The following ITGAL variants were observed in gnomAD, a reference collection of about 807,000 sequenced individuals.
The protein encoded by ITGAL is integrin subunit alpha L.
A neutral mutation model predicts 138.4 loss-of-function variants in ITGAL; 68 were observed. The ratio of observed to expected loss-of-function variants is 0.49; its 90% confidence interval spans 0.40 to 0.60. The LOEUF is 0.60. ITGAL is among the 20% of genes least tolerant of loss of function. The pLI is 0.00. For synonymous variants in ITGAL, 561 were observed against 584.3 expected, an observed-to-expected ratio of 0.96 and a Z score of 0.57; for missense variants, 1,256 against 1,478.6, an observed-to-expected ratio of 0.85 and a Z score of 2.47.
Position 30,494,785 on chromosome 16 carries a change from A to T in ITGAL, c.1438A>T (p.Ile480Phe). ...DQDGETELLL[I>F]GAPLFYGEQR... ...AGATGGGGAGACAGAGCTGCTGCTGATTGGTGCCCCACTGTTCTATGGGGA... is the reference window on the plus strand; with the variant it reads ...AGATGGGGAGACAGAGCTGCTGCTGTTTGGTGCCCCACTGTTCTATGGGGA... Residue 480 changes from isoleucine to phenylalanine, a missense_variant, in exon 13 of 31, where the codon ATT becomes TTT. By Grantham distance (21) the Ile-to-Phe change is conservative. Coordinates refer to ENST00000356798, the MANE Select transcript of ITGAL (RefSeq NM_002209.3). The surrounding 1 kb of genome is among the most constrained non-coding windows in gnomAD (Gnocchi z 4.2). 2 of 1,613,392 alleles carry T rather than the reference A, an allele frequency of 1.2e-6. No homozygotes were observed. Among genetic ancestry groups the T allele is most frequent in the Non-Finnish European group, 1.7e-6 (2 of 1,179,560 alleles).
chr16:30,499,709 A>ATACG (rs2050858936), intron 17 of ITGAL, among the ~76,000 whole-genome samples: 1 of 88,522 alleles, frequency 1.1e-5, no homozygotes, highest in Non-Finnish European at 2.1e-5. Flanking sequence ...GTATATATAT[A>ATACG]TATGTATATA....
rs751091382 is a variant in ITGAL, at chr16:30,499,083, C to T, written c.1842C>T (p.Pro614=). ...ESQMIVLSSR[P]VVDMVTLMSF... ...GCCTTCTGCCCTGCAGCTCCCGGCC[C>T]GTGGTGGATATGGTCACCCTGATGT... is the stretch of plus-strand genomic sequence containing the variant. The change falls in exon 16 of 31, where the codon CCC becomes CCT. Residue 614 remains proline (P), a synonymous_variant. Coordinates refer to ENST00000356798, the MANE Select transcript of ITGAL (RefSeq NM_002209.3). 2.7e-5 allele frequency: 43 copies of T among 1,613,820 alleles called. 1 individual carries two copies. The highest frequency in any genetic ancestry group is 2.0e-4 in the South Asian group (18 of 91,068).
At chr16:30,496,058 G>A (rs780203295) in intron 13 of ITGAL, 39 bp from the exon 14 acceptor site, 1 of 1,511,890 alleles carries the variant, frequency 6.6e-7, no homozygotes, top group Non-Finnish European at 9.2e-7. Context: ...ACAGCATGCT[G>A]AGTGACTTGG....
Position 30,513,796 on chromosome 16 carries a change from A to G in ITGAL, c.2812A>G (p.Ser938Gly). 1 of 1,613,820 alleles carries G rather than the reference A, an allele frequency of 6.2e-7. No individual in the cohort carries two copies. Among genetic ancestry groups the G allele is most frequent in the Non-Finnish European group, 8.5e-7 (1 of 1,179,768 alleles). The change falls in exon 25 of 31, where the codon AGT becomes GGT. Residue 938 changes from serine to glycine, a missense_variant. By Grantham distance (56) the Ser-to-Gly change is moderately conservative (BLOSUM62 0). This residue lies in a region of ITGAL where 867 missense variants were observed against 972.5 expected (regional missense o/e 0.89). Coordinates refer to ENST00000356798, the MANE Select transcript of ITGAL (RefSeq NM_002209.3). ...QDQEDSTLYV[S>G]FTPKGPKIHQ... ...CCAAGAAGACTCCACACTCTATGTC[A>G]GTTTCACCCCCAAAGGCCCCAAGAT...
At chr16:30,520,987 G>A (rs562264037) in intron 30 of ITGAL, among the ~76,000 whole-genome samples, 1 of 152,178 alleles carries the variant, frequency 6.6e-6, no homozygotes, top group East Asian at 1.9e-4. Context: ...AGGAGGCTGA[G>A]GCAGGAGAAT....
intron 21 of ITGAL, among the ~76,000 whole-genome samples, chr16:30,508,200 G>A (rs904407261): frequency 7.6e-6 from 1 of 131,710 alleles, no homozygotes; most frequent in Non-Finnish European, 1.6e-5. Flanking sequence ...GGGCCACCAC[G>A]CCCGGCCTAT....
In ITGAL at chr16:30,487,003, C is replaced by T. The variant is rs371953185; in HGVS notation, c.1007-2079C>T. On this transcript the variant is annotated intron_variant, in intron 9 of 30. Transcript: ENST00000356798. ...TAGAGACAAGAGTTTCTTAGCCAGG[C>T]GTGGTGGCGGGCGCCTGTAGTCCCA... 9.9e-5 allele frequency among the ~76,000 whole-genome samples: 15 copies of T among 151,924 alleles called. No individual in the cohort carries two copies. The South Asian group carries it at 2.3e-3, about 23-fold the overall frequency.
rs978060019 is a variant in ITGAL, at chr16:30,521,953, C to T, written c.*288C>T. On this transcript the variant is annotated 3_prime_UTR_variant, in exon 31 of 31. Transcript: ENST00000356798. ...CCTTCCTTGGAAGAGAATGTCTGAT[C>T]TAAATGTGGAGAAACTGTAGTCTCA... 1.9e-5 allele frequency: 7 copies of T among 373,594 alleles called. No individual in the cohort carries two copies. The Admixed American group carries it at 2.5e-4, about 13-fold the overall frequency. The allele number at this position is 373,594 out of a possible 1,614,324, so 23.1% of individuals were successfully genotyped here.
At chr16:30,497,725 C>T (rs994280177) in intron 15 of ITGAL, among the ~76,000 whole-genome samples, 1 of 151,698 alleles carries the variant, frequency 6.6e-6, no homozygotes, top group South Asian at 2.1e-4. Context: ...GGGATCCGCC[C>T]GTCTCGGCCT....
chr16:30,505,136 C>A, intron 18 of ITGAL, 108 bp from the exon 19 acceptor site: 1 of 1,132,938 alleles, frequency 8.8e-7, no homozygotes, highest in Non-Finnish European at 1.2e-6. Flanking sequence ...GGGCCAACCA[C>A]AGCCAGCCCA....
rs2051276698 is a variant in ITGAL at position 30,522,994 on chromosome 16, A to C, written c.*1329A>C. 1 of 151,968 alleles carries C rather than the reference A, an allele frequency of 6.6e-6. No homozygotes were observed. 9.4% of individuals were successfully genotyped at this position (151,968 alleles called of 1,614,324 possible). A position where few individuals can be genotyped will look rare whatever the true frequency, so the allele number is the denominator to read the frequency against. ...GCGGGCACGGGCCCGTGACATCCCC[A>C]CCCTTGGAGGCTGTCTTCTCAGGCT... On this transcript the variant is annotated 3_prime_UTR_variant, in exon 31 of 31. Transcript: ENST00000356798. This position sits in a 1 kb window ranked among gnomAD's most constrained non-coding sequence, Gnocchi z 4.0.
At position 30,522,445 on chromosome 16, in the gene ITGAL, G is replaced by A. The variant is rs2051267515; in HGVS notation, c.*780G>A. On this transcript the variant is annotated 3_prime_UTR_variant, in exon 31 of 31. Transcript: ENST00000356798. The surrounding 1 kb of genome is among the most constrained non-coding windows in gnomAD (Gnocchi z 4.0). Reference sequence around the variant, plus strand: ...CACCAGCCTGCACTACTCCCTCAAAGCACACGTCATGTTTCTTCATCCGGC... The same window carrying A: ...CACCAGCCTGCACTACTCCCTCAAAACACACGTCATGTTTCTTCATCCGGC... 6.6e-6 allele frequency: 1 copy of A among 152,294 alleles called. No individual in the cohort carries two copies. The highest frequency in any genetic ancestry group is 1.9e-4 in the East Asian group (1 of 5,188). The allele number at this position is 152,294 out of a possible 1,614,324, so 9.4% of individuals were successfully genotyped here. A position where few individuals can be genotyped will look rare whatever the true frequency, so the allele number is the denominator to read the frequency against.
intron 9 of ITGAL, among the ~76,000 whole-genome samples, chr16:30,485,603 C>T (rs1428511961): frequency 6.6e-6 from 1 of 152,000 alleles, no homozygotes; most frequent in Non-Finnish European, 1.5e-5. Flanking sequence ...CAGCTCACTG[C>T]AGCCTTGACC....
At chr16:30,500,771 A>T (rs952720991) in intron 17 of ITGAL, among the ~76,000 whole-genome samples, 4 of 152,080 alleles carry the variant, frequency 2.6e-5, no homozygotes, top group African/African-American at 4.8e-5. Flanking sequence ...TTGGGAGGCC[A>T]AGGTGGGTGG....
At position 30,518,707 on chromosome 16, in the gene ITGAL, C is replaced by T. The variant is rs772574071; in HGVS notation, c.3216C>T (p.Ala1072=). ...SKHFHLYGSN[A]SLAQVVMKVD... is the part of the protein sequence containing the mutation. Reference sequence around the variant, plus strand: ...ATTTCCACCTCTATGGCAGCAACGCCTCCCTGGCCCAGGTATCTCCACCTC... The same window carrying T: ...ATTTCCACCTCTATGGCAGCAACGCTTCCCTGGCCCAGGTATCTCCACCTC... The change falls in exon 29 of 31, where the codon GCC becomes GCT. Residue 1072 remains alanine (A), a synonymous_variant. Coordinates refer to ENST00000356798, the MANE Select transcript of ITGAL (RefSeq NM_002209.3). 2 of 1,612,602 alleles carry T rather than the reference C, an allele frequency of 1.2e-6. No individual in the cohort carries two copies. Among genetic ancestry groups the T allele is most frequent in the Non-Finnish European group, 1.7e-6 (2 of 1,178,652 alleles).
chr16:30,497,626 A>G (rs2050821887), intron 15 of ITGAL, among the ~76,000 whole-genome samples: 1 of 151,446 alleles, frequency 6.6e-6, no homozygotes, highest in Admixed American at 6.6e-5. Context: ...ACAGGCATGC[A>G]CCACCATGCC....
At chr16:30,488,056 A>G (rs1289386411) in intron 9 of ITGAL, among the ~76,000 whole-genome samples, 3 of 152,032 alleles carry the variant, frequency 2.0e-5, no homozygotes, top group Non-Finnish European at 2.9e-5. Flanking sequence ...TAAGCCAGGC[A>G]CGGTGGTGCA....
intron 30 of ITGAL, 88 bp downstream of exon 30, chr16:30,520,055 C>A: frequency 1.0e-6 from 1 of 985,528 alleles, no homozygotes; most frequent in South Asian, 1.4e-5. Flanking sequence ...GAATACCAAG[C>A]CAGAGGGCAT....
Position 30,517,564 on chromosome 16 carries a change from A to T in ITGAL, c.2977-85A>T, listed in dbSNP as rs959755574. 4 of 1,148,878 alleles carry T rather than the reference A, an allele frequency of 3.5e-6. No individual in the cohort carries two copies. In the African/African-American group the frequency reaches 6.1e-5, roughly 17 times the overall value. 71.2% of individuals were successfully genotyped at this position (1,148,878 alleles called of 1,614,324 possible). A position where few individuals can be genotyped will look rare whatever the true frequency, so the allele number is the denominator to read the frequency against. On this transcript the variant is annotated intron_variant, in intron 26 of 30. Transcript: ENST00000356798. ...GAGATGTCTGAACTCACCCAGGGCC[A>T]GGGCCAGGGCAGGGGAAAGCTGGGA...
Sources: allele counts gnomAD v4.1 joint callset (sites outside exome capture counted in the v4.1 genomes callset), GRCh38; gene constraint gnomAD v4.1.1; regional missense constraint gnomAD v4.1.1; non-coding constraint Gnocchi (gnomAD v3.1); transcripts MANE v1.5; gene names NCBI Gene and HGNC (gene_info 2026-07-23, HGNC 2026-07-21).